The following ARHGAP21 variants were observed in gnomAD, a reference collection of about 807,000 sequenced individuals.
ARHGAP21 encodes the protein rho GTPase-activating protein 21.
Under a neutral mutation model 164.6 loss-of-function variants are expected in ARHGAP21, and 38 were observed. The ratio of observed to expected loss-of-function variants is 0.23; its 90% CI spans 0.18 to 0.30. The LOEUF (loss-of-function observed/expected upper bound fraction) is 0.30. ARHGAP21 is among the 10% of genes least tolerant of loss of function. The pLI, the probability that ARHGAP21 is intolerant of heterozygous loss-of-function variation, is 1.00. For missense variants in ARHGAP21, 1,822 were observed against 2,370.7 expected (o/e 0.77, Z 4.81); for synonymous variants, 766 against 857.9 (o/e 0.89, Z 1.87).
intron 2 of ARHGAP21, among the ~76,000 whole-genome samples, chr10:24,713,556 C>T (rs1050199741): frequency 3.9e-5 from 6 of 152,008 alleles, no homozygotes; most frequent in Non-Finnish European, 5.9e-5. Flanking sequence ...CACAAATCTA[C>T]ATAGTGGAAA....
Position 24,595,910 on chromosome 10 carries a change from G to T in ARHGAP21, c.3611C>A (p.Ala1204Asp), listed in dbSNP as rs1418714199. ...SMQEELNKGM[A>D]DIDIQDDKWR... ...TACATCATCTTGTATATCAATATCAGCCATTCCCTTGTTGAGTTCTTCTTG... is the reference window on the plus strand; with the variant it reads ...TACATCATCTTGTATATCAATATCATCCATTCCCTTGTTGAGTTCTTCTTG... Residue 1204 changes from alanine (A) to aspartate (D), a missense_variant, in exon 18 of 26, where the codon GCT becomes GAT. Around this residue, in one of 5 missense-constraint regions of ARHGAP21, gnomAD observed 117 missense variants for 238.1 expected, o/e 0.49. Coordinates refer to ENST00000396432, the MANE Select transcript of ARHGAP21 (RefSeq NM_020824.4). The T allele has an allele frequency of 6.2e-7, 1 of 1,613,060 alleles. No homozygotes were observed.
chr10:24,606,602 A>T (rs572165028), intron 11 of ARHGAP21, among the ~76,000 whole-genome samples: 1 of 152,336 alleles, frequency 6.6e-6, no homozygotes, highest in Middle Eastern at 3.4e-3. Context: ...TATTAAAATT[A>T]AAAATATGGC....
intron 2 of ARHGAP21, among the ~76,000 whole-genome samples, chr10:24,675,018 C>T (rs962415277): frequency 6.6e-6 from 1 of 152,180 alleles, no homozygotes; most frequent in Non-Finnish European, 1.5e-5. Context: ...CTTTGGAAAA[C>T]AGTCTGACAG....
At chr10:24,623,187 CT>C (rs1220213330) in intron 7 of ARHGAP21, among the ~76,000 whole-genome samples, 1 of 152,142 alleles carries the variant, frequency 6.6e-6, no homozygotes, top group Non-Finnish European at 1.5e-5. Context: ...ATAGTACAAC[CT>C]CCTCCTTCCC....
At chr10:24,664,029 G>A (rs1839950300) in intron 4 of ARHGAP21, among the ~76,000 whole-genome samples, 1 of 152,158 alleles carries the variant, frequency 6.6e-6, no homozygotes, top group Non-Finnish European at 1.5e-5. Flanking sequence ...GAGACCTTGG[G>A]GTTTGCAGTC....
chr10:24,618,074 T>C (rs1398743321), intron 9 of ARHGAP21, among the ~76,000 whole-genome samples: 2 of 152,138 alleles, frequency 1.3e-5, no homozygotes, highest in Non-Finnish European at 2.9e-5. Flanking sequence ...ATTTTAGAGA[T>C]GTTATTTAGC....
chr10:24,591,077 AAAAGGAAGATTAAGGTTTTTTATTAGTAG>A (rs1411298625), intron 24 of ARHGAP21, 119 bp downstream of exon 24: 1 of 978,022 alleles, frequency 1.0e-6, no homozygotes, highest in Non-Finnish European at 1.4e-6. Flanking sequence ...GATCAATTGG[AAAAGGAAGATTAAGGTTTTTTATTAGTAG>A]AAAGGAAGAG....
chr10:24,676,633 C>T (rs972217517), intron 2 of ARHGAP21, among the ~76,000 whole-genome samples: 2 of 152,116 alleles, frequency 1.3e-5, no homozygotes, highest in Non-Finnish European at 2.9e-5. Context: ...CACCCCTACG[C>T]AATATACCCA....
In ARHGAP21 at chr10:24,584,638, G is replaced by A; in HGVS notation, c.5651C>T (p.Ala1884Val). 6.2e-7 allele frequency: 1 copy of A among 1,613,976 alleles called. No homozygotes were observed. The highest frequency in any genetic ancestry group is 1.1e-5 in the South Asian group (1 of 91,072). ...QTENPSTREI[A>V]TTDTPLSLHC... ...AAGAGACAAAGGTGTGTCGGTCGTG[G>A]CTATTTCTCGTGTGCTTGGGTTCTC... is the stretch of plus-strand genomic sequence containing the variant. Residue 1884 changes from alanine (A) to valine (V), a missense_variant, in exon 26 of 26, where the codon GCC becomes GTC. Transcript: ENST00000396432.
chr10:24,687,196 T>A (rs1363585083), intron 2 of ARHGAP21, among the ~76,000 whole-genome samples: 1 of 152,160 alleles, frequency 6.6e-6, no homozygotes. Flanking sequence ...TCCCAGGCCC[T>A]CTACTGTAGA....
intron 19 of ARHGAP21, 97 bp downstream of exon 19, chr10:24,595,620 A>C: frequency 7.9e-7 from 1 of 1,272,658 alleles, no homozygotes; most frequent in Non-Finnish European, 1.1e-6. Flanking sequence ...GCTTCCTTTG[A>C]CCAAGACATT....
intron 13 of ARHGAP21, 104 bp from the exon 14 acceptor site, chr10:24,601,034 A>T: frequency 7.4e-7 from 1 of 1,343,480 alleles, no homozygotes; most frequent in Admixed American, 2.3e-5. Context: ...ACATATAACT[A>T]GTGTAGCAGG....
chr10:24,655,575 G>C (rs1164196413), intron 4 of ARHGAP21, among the ~76,000 whole-genome samples: 1 of 151,898 alleles, frequency 6.6e-6, no homozygotes. Flanking sequence ...CGAGGGCAAG[G>C]AGCAGCCGCC....
At chr10:24,655,885 G>T (rs1301262055) in intron 4 of ARHGAP21, among the ~76,000 whole-genome samples, 7 of 128,832 alleles carry the variant, frequency 5.4e-5, no homozygotes, top group Admixed American at 4.5e-4. Context: ...GGGATGTGAG[G>T]AGCGCCTCTG....
chr10:24,586,136 A>G (rs2076092977), intron 25 of ARHGAP21, 30 bp from the exon 26 acceptor site: 2 of 1,535,218 alleles, frequency 1.3e-6, no homozygotes, highest in Non-Finnish European at 8.7e-7. Flanking sequence ...AAAGACTCTG[A>G]GCATAAGAAT....
At chr10:24,704,289 CTTTT>C (rs201080039) in intron 2 of ARHGAP21, among the ~76,000 whole-genome samples, 3 of 125,972 alleles carry the variant, frequency 2.4e-5, no homozygotes, top group South Asian at 2.5e-4. Context: ...TTTTTCTTTT[CTTTT>C]TTTTTTTTTT....
At chr10:24,623,846 C>A (rs1461061141) in intron 7 of ARHGAP21, among the ~76,000 whole-genome samples, 1 of 152,092 alleles carries the variant, frequency 6.6e-6, no homozygotes, top group African/African-American at 2.4e-5. Context: ...ATTTTTTTCC[C>A]AGAGGTTTTA....
intron 7 of ARHGAP21, among the ~76,000 whole-genome samples, chr10:24,625,914 G>A (rs1001991889): frequency 6.6e-6 from 1 of 152,134 alleles, no homozygotes; most frequent in Admixed American, 6.6e-5. Context: ...GTGACTTATG[G>A]TAAGCCACCT....
At chr10:24,642,709 A>G (rs1291911899) in intron 4 of ARHGAP21, among the ~76,000 whole-genome samples, 22 of 152,174 alleles carry the variant, frequency 1.4e-4, no homozygotes. Flanking sequence ...AGGCTATGAA[A>G]TAAATTTAGA....
Sources: allele counts gnomAD v4.1 joint callset (sites outside exome capture counted in the v4.1 genomes callset), GRCh38; gene constraint gnomAD v4.1.1; regional missense constraint gnomAD v4.1.1; transcripts MANE v1.5; gene names NCBI Gene and HGNC (gene_info 2026-07-23, HGNC 2026-07-21).